Variants in RGS6 observed in about 807,000 individuals in gnomAD.
RGS6 encodes regulator of G protein signaling 6.
A neutral mutation model predicts 78.5 loss-of-function variants in RGS6; 30 were observed. That is an observed-to-expected ratio of 0.38 (90% CI 0.29 to 0.52). The LOEUF (loss-of-function observed/expected upper bound fraction) is 0.52, where lower values mean the gene tolerates loss of function less well. Ranked by LOEUF, RGS6 falls within the 20% of genes least tolerant of loss-of-function variation. The probability of loss-of-function intolerance (pLI) is 0.85; values close to 1 mark genes in which losing one functional copy is unlikely to be tolerated. For missense variants in RGS6, 495 were observed against 609.7 expected (o/e 0.81, Z 1.98); for synonymous variants, 206 against 206.0 (o/e 1.00, Z 0.00).
intron 8 of RGS6, 49 bp from the exon 9 acceptor site, chr14:72,472,823 A>G: frequency 7.1e-7 from 1 of 1,406,282 alleles, no homozygotes; most frequent in African/African-American, 1.4e-5. Context: ...GTCAGAAGGG[A>G]AAACAGAATA....
At chr14:72,111,134 A>T (rs2095752641) in intron 2 of RGS6, among the ~76,000 whole-genome samples, 1 of 152,182 alleles carries the variant, frequency 6.6e-6, no homozygotes, top group African/African-American at 2.4e-5. Context: ...GATTGATAAT[A>T]ATCTGTGATC....
intron 2 of RGS6, among the ~76,000 whole-genome samples, chr14:72,112,181 C>T (rs139022068): frequency 1.3e-5 from 2 of 152,298 alleles, no homozygotes; most frequent in African/African-American, 4.8e-5. Context: ...ACAGATGGCC[C>T]GGGAGGCTGT....
rs1261276272 is a variant in RGS6 at position 72,564,751 on chromosome 14, G to T, written c.*2284G>T. 6.6e-6 allele frequency: 1 copy of T among 152,356 alleles called. No individual in the cohort carries two copies. The highest frequency in any genetic ancestry group is 6.5e-5 in the Admixed American group (1 of 15,288). The allele number at this position is 152,356 out of a possible 1,614,324, so 9.4% of individuals were successfully genotyped here. ...GGTCTCACCCTGGAGATCCCCAGAGGATCTGACCAGAGCCAGGTGGACTGT... is the reference window on the plus strand; with the variant it reads ...GGTCTCACCCTGGAGATCCCCAGAGTATCTGACCAGAGCCAGGTGGACTGT... On this transcript the variant is annotated 3_prime_UTR_variant, in exon 18 of 18. Coordinates refer to ENST00000553525, the MANE Select transcript of RGS6 (RefSeq NM_001204424.2).
chr14:72,396,438 GC>G (rs1269785166), intron 3 of RGS6, among the ~76,000 whole-genome samples: 2 of 151,916 alleles, frequency 1.3e-5, no homozygotes, highest in African/African-American at 4.8e-5. Context: ...CTGGATATTA[GC>G]CCTAGCCCTT....
intron 13 of RGS6, among the ~76,000 whole-genome samples, chr14:72,508,395 C>T (rs1427916158): frequency 6.6e-6 from 1 of 152,050 alleles, no homozygotes; most frequent in Non-Finnish European, 1.5e-5. Context: ...AAATTCAGTT[C>T]ATCAGTCACA....
At chr14:72,520,716 G>A (rs1271705385) in intron 15 of RGS6, among the ~76,000 whole-genome samples, 1 of 152,126 alleles carries the variant, frequency 6.6e-6, no homozygotes, top group Non-Finnish European at 1.5e-5. Context: ...TCTTCCTATG[G>A]TAAACATTAG....
At chr14:72,010,491 A>G (rs2085449679) in intron 2 of RGS6, among the ~76,000 whole-genome samples, 1 of 152,192 alleles carries the variant, frequency 6.6e-6, no homozygotes, top group Non-Finnish European at 1.5e-5. Context: ...CTAAAGGTGT[A>G]TTTGAGTGTG....
At chr14:72,160,255 C>T (rs1370429828) in intron 2 of RGS6, among the ~76,000 whole-genome samples, 1 of 152,158 alleles carries the variant, frequency 6.6e-6, no homozygotes, top group Non-Finnish European at 1.5e-5. Context: ...TTTAACAAAT[C>T]CAGTGTGCTT....
intron 2 of RGS6, among the ~76,000 whole-genome samples, chr14:72,278,266 C>T (rs1293629536): frequency 6.6e-6 from 1 of 152,122 alleles, no homozygotes; most frequent in Admixed American, 6.5e-5. Flanking sequence ...ACACCTTGTC[C>T]AGAAACAATT....
At chr14:72,078,022 T>C (rs1056696611) in intron 2 of RGS6, among the ~76,000 whole-genome samples, 8 of 152,174 alleles carry the variant, frequency 5.3e-5, no homozygotes, top group Admixed American at 1.3e-4. Flanking sequence ...CTTAGTGGTA[T>C]GGTTTGGATC....
chr14:72,242,489 T>A lies in RGS6; in HGVS notation c.85-109606T>A, dbSNP rs796712682. On this transcript the variant is annotated intron_variant, in intron 2 of 17. Transcript: ENST00000553525. ...CTCTGAGGGTCCAAGTGCATCCCCA[T>A]ACTTTCTATTTATTTTAACATCACA... Among the ~76,000 whole-genome samples, 27 of 152,348 alleles carry A rather than the reference T, an allele frequency of 1.8e-4. 1 individual carries two copies. The highest frequency in any genetic ancestry group is 6.0e-4 in the African/African-American group (25 of 41,584).
intron 2 of RGS6, among the ~76,000 whole-genome samples, chr14:72,281,878 G>A (rs554920130): frequency 6.6e-6 from 1 of 152,308 alleles, no homozygotes; most frequent in South Asian, 2.1e-4. Flanking sequence ...GCAGGCCACA[G>A]TAAGGAATCT....
At position 72,256,140 on chromosome 14, in the gene RGS6, C is replaced by G. The variant is rs2057035895; in HGVS notation, c.85-95955C>G. 2.0e-5 allele frequency among the ~76,000 whole-genome samples: 3 copies of G among 152,198 alleles called. No homozygotes were observed. The South Asian group carries it at 6.2e-4, about 32-fold the overall frequency. On this transcript the variant is annotated intron_variant, in intron 2 of 17. Coordinates refer to ENST00000553525, the MANE Select transcript of RGS6 (RefSeq NM_001204424.2). ...TCAAGTGACAGAATGAGAGGCATTT[C>G]TCAAATCCACTGCCCCAAGAGCTCA...
At chr14:71,997,910 TA>T (rs2082699597) in intron 2 of RGS6, among the ~76,000 whole-genome samples, 3 of 152,186 alleles carry the variant, frequency 2.0e-5, no homozygotes. Flanking sequence ...CTAGAGGGAA[TA>T]GGTGCTTACT....
At chr14:72,258,500 A>G (rs1379932597) in intron 2 of RGS6, among the ~76,000 whole-genome samples, 3 of 152,092 alleles carry the variant, frequency 2.0e-5, no homozygotes, top group African/African-American at 7.2e-5. Flanking sequence ...TTTGGGTGAC[A>G]CTCTCTAGCT....
At chr14:72,597,925 C>G in the RGS6 span, among the ~76,000 whole-genome samples, 1 of 152,212 alleles carries the variant, frequency 6.6e-6, no homozygotes, top group African/African-American at 2.4e-5. Context: ...CTTTCCTCCC[C>G]TCCTGAACCC....
At chr14:72,615,777 A>G in the RGS6 span, among the ~76,000 whole-genome samples, 1 of 152,254 alleles carries the variant, frequency 6.6e-6, no homozygotes, top group Admixed American at 6.5e-5. Flanking sequence ...GGAAAGCCAG[A>G]ATGTCAATCT....
At chr14:72,590,735 G>A in the RGS6 span, among the ~76,000 whole-genome samples, 2 of 152,222 alleles carry the variant, frequency 1.3e-5, no homozygotes, top group Non-Finnish European at 2.9e-5. Context: ...AGCCTATAAT[G>A]AGAGCAGGAA....
intron 2 of RGS6, among the ~76,000 whole-genome samples, chr14:72,281,629 T>C (rs4903007): frequency 0.53 from 80,007 of 151,972 alleles, 23,005 homozygotes; most frequent in Non-Finnish European, 0.64. Context: ...AGGGAAGGCC[T>C]CTGTGAGGAG....
Sources: gnomAD v4.1 joint callset for allele counts (sites outside exome capture counted in the v4.1 genomes callset) on GRCh38, gnomAD v4.1.1 for gene constraint, MANE v1.5 for transcripts, NCBI Gene and HGNC (gene_info 2026-07-23, HGNC 2026-07-21) for gene names.